The following PAGE2B variants were observed in gnomAD, a reference collection of about 807,000 sequenced individuals.
PAGE2B encodes putative G antigen family E member 3.
A neutral mutation model predicts 7.6 loss-of-function variants in PAGE2B; 5 were observed. The observed-to-expected ratio is 0.66, with a 90% CI of 0.34 to 1.38. The LOEUF (loss-of-function observed/expected upper bound fraction) is 1.38, where lower values mean the gene tolerates loss of function less well. PAGE2B is among the 40% of genes most tolerant of loss of function. The probability of loss-of-function intolerance (pLI) is 0.04; values close to 1 mark genes in which losing one functional copy is unlikely to be tolerated. For synonymous variants in PAGE2B, 29 were observed against 26.7 expected, an observed-to-expected ratio of 1.09 and a Z score of -0.27; for missense variants, 70 against 78.4, an observed-to-expected ratio of 0.89 and a Z score of 0.41.
the PAGE2B span, among the ~76,000 whole-genome samples, chrX:55,051,006 GGT>G: frequency 1.8e-5 from 2 of 111,204 alleles, no homozygotes; most frequent in Non-Finnish European, 3.8e-5. Flanking sequence ...CAGGCCTGGC[GGT>G]GACAAAATCT....
chrX:55,041,316 C>T, the PAGE2B span, among the ~76,000 whole-genome samples: 1 of 109,975 alleles, frequency 9.1e-6, no homozygotes, highest in Non-Finnish European at 1.9e-5. Context: ...CTCCTGACCT[C>T]GTGATCCGCC....
At chrX:55,060,023 C>T in the PAGE2B span, among the ~76,000 whole-genome samples, 2 of 111,188 alleles carry the variant, frequency 1.8e-5, no homozygotes, top group Non-Finnish European at 3.8e-5. Context: ...CACATTTTCC[C>T]TATCTATTGA....
the PAGE2B span, among the ~76,000 whole-genome samples, chrX:55,042,939 T>TACCAAACTATCCTATATATAGATATAC: frequency 1.8e-5 from 2 of 110,629 alleles, no homozygotes; most frequent in South Asian, 7.7e-4. Flanking sequence ...TTACCTGACT[T>TACCAAACTATCCTATATATAGATATAC]CAAACTATCC....
the PAGE2B span, among the ~76,000 whole-genome samples, chrX:55,035,747 T>G: frequency 8.9e-6 from 1 of 112,318 alleles, no homozygotes; most frequent in Non-Finnish European, 1.9e-5. Context: ...GTCTGTAATA[T>G]GAAGATACTG....
upstream of PAGE2B, among the ~76,000 whole-genome samples, chrX:55,074,024 C>T (rs1056378743): frequency 3.6e-5 from 4 of 111,075 alleles, no homozygotes; most frequent in East Asian, 2.8e-4. Context: ...GAAGCAAACA[C>T]GTGTCAGCAA....
chrX:55,038,270 C>T, the PAGE2B span, among the ~76,000 whole-genome samples: 5 of 110,691 alleles, frequency 4.5e-5, no homozygotes, highest in Non-Finnish European at 7.6e-5. Flanking sequence ...ATAAATGATG[C>T]GTGATATTTA....
Position 55,076,099 on chromosome X carries a change from T to A in PAGE2B, c.58T>A (p.Ser20Thr). 8.3e-7 allele frequency: 1 copy of A among 1,208,301 alleles called. No individual in the cohort carries two copies. Among genetic ancestry groups the A allele is most frequent in the East Asian group, 3.0e-5 (1 of 33,794 alleles). Residue 20 changes from serine to threonine, a missense_variant, in exon 2 of 5, where the codon TCT becomes ACT. Transcript: ENST00000374971. ...QSSERGNDQE[S>T]SQPVGSVIVQ... The stretch of plus-strand genomic sequence containing the variant: ...CTCAGAAAGAGGAAATGACCAAGAG[T>A]CTTCCCAGCCAGTTGGATCTGTGAT...
chrX:55,047,306 A>G, the PAGE2B span, among the ~76,000 whole-genome samples: 1 of 111,545 alleles, frequency 9.0e-6, no homozygotes, highest in Non-Finnish European at 1.9e-5. Context: ...TATGTGCCAC[A>G]TTTTCTTAAT....
chrX:55,029,226 C>T, the PAGE2B span, among the ~76,000 whole-genome samples: 2 of 111,700 alleles, frequency 1.8e-5, no homozygotes. Context: ...AATCCTGTTA[C>T]AATTTATTGT....
the PAGE2B span, among the ~76,000 whole-genome samples, chrX:55,069,244 A>C: frequency 4.5e-5 from 5 of 111,946 alleles, no homozygotes; most frequent in Non-Finnish European, 9.4e-5. Context: ...AGTTTTTAGC[A>C]TGCAGGGCTG....
upstream of PAGE2B, among the ~76,000 whole-genome samples, chrX:55,071,183 G>A (rs1373401116): frequency 9.0e-6 from 1 of 111,010 alleles, no homozygotes; most frequent in Non-Finnish European, 1.9e-5. Flanking sequence ...GCAGTAGCTG[G>A]TACCGGTTGT....
At chrX:55,058,987 A>T in the PAGE2B span, among the ~76,000 whole-genome samples, 1 of 110,870 alleles carries the variant, frequency 9.0e-6, no homozygotes, top group African/African-American at 3.3e-5. Context: ...TCATTTCTCC[A>T]TTCAGTCCTC....
chrX:55,075,786 C>CAA (rs897762136), intron 1 of PAGE2B, among the ~76,000 whole-genome samples: 7 of 111,038 alleles, frequency 6.3e-5, no homozygotes, highest in Non-Finnish European at 1.1e-4. Context: ...ATTGTGAAAC[C>CAA]AAAACGCAGA....
chrX:55,069,434 A>G, the PAGE2B span, among the ~76,000 whole-genome samples: 8,695 of 111,268 alleles, frequency 0.078, 787 homozygotes, highest in African/African-American at 0.26. Context: ...TGCTGGATTC[A>G]GTTTGCCAGC....
chrX:55,075,911 G>A (rs1245343240), intron 1 of PAGE2B, 123 bp from the exon 2 acceptor site: 3 of 716,452 alleles, frequency 4.2e-6, no homozygotes, highest in Non-Finnish European at 6.0e-6. Context: ...TCAATGCTCT[G>A]TGAATTACGT....
At chrX:55,044,763 A>G in the PAGE2B span, 1 of 111,909 alleles carries the variant, frequency 8.9e-6, no homozygotes, top group Non-Finnish European at 1.9e-5. Context: ...CTGGTGATTA[A>G]TAAGGTTGTC....
the PAGE2B span, among the ~76,000 whole-genome samples, chrX:55,057,422 C>T: frequency 8.9e-6 from 1 of 111,748 alleles, no homozygotes; most frequent in Admixed American, 9.5e-5. Flanking sequence ...TATAAATCCA[C>T]AAAGATGAAT....
At chrX:55,051,626 C>G in the PAGE2B span, among the ~76,000 whole-genome samples, 2 of 112,306 alleles carry the variant, frequency 1.8e-5, no homozygotes, top group African/African-American at 6.5e-5. Context: ...GTGCATTCGT[C>G]ACGTAGTTCT....
the PAGE2B span, among the ~76,000 whole-genome samples, chrX:55,068,632 A>G: frequency 1.8e-5 from 2 of 111,861 alleles, no homozygotes; most frequent in South Asian, 3.7e-4. Flanking sequence ...TTTGGGCAGT[A>G]TGGCCATTTT....
Sources: allele counts gnomAD v4.1 joint callset (sites outside exome capture counted in the v4.1 genomes callset), GRCh38; gene constraint gnomAD v4.1.1; transcripts MANE v1.5; gene names NCBI Gene and HGNC (gene_info 2026-07-23, HGNC 2026-07-21).